GRIK3: variants seen among roughly 807,000 people sequenced by gnomAD.
The protein encoded by GRIK3 is glutamate ionotropic receptor kainate type subunit 3.
GRIK3 carries 29 observed loss-of-function variants against 102.5 expected under a neutral mutation model. The observed-to-expected ratio is 0.28, with a 90% CI of 0.21 to 0.39. The LOEUF is 0.39. Among genes scored for constraint, GRIK3 ranks in the 10% least tolerant of loss-of-function variants. The pLI is 1.00. For missense variants in GRIK3, 908 were observed against 1,252.4 expected (o/e 0.73, Z 4.15); for synonymous variants, 511 against 504.9 (o/e 1.01, Z -0.16).
chr1:36,856,498 T>C lies in GRIK3; in HGVS notation c.1104+2610A>G, dbSNP rs542382554. Among the ~76,000 whole-genome samples the C allele has an allele frequency of 1.0e-3, 155 of 152,152 alleles. 1 individual carries two copies. The highest frequency in any genetic ancestry group is 2.0e-3 in the Non-Finnish European group (134 of 68,022). ...TCTCGGAAATGCCAAGTCTTTAAAA[T>C]GATTTACTGTCATGCAATCAGATGG... On this transcript the variant is annotated intron_variant, in intron 7 of 15. Transcript: ENST00000373091.
chr1:36,905,085 C>A (rs546278762), intron 1 of GRIK3, among the ~76,000 whole-genome samples: 17 of 151,888 alleles, frequency 1.1e-4, no homozygotes, highest in Admixed American at 6.6e-4. Flanking sequence ...ATATAGCCTC[C>A]CCACATAGCA....
At chr1:36,805,936 CAAA>C (rs749853809) in intron 14 of GRIK3, among the ~76,000 whole-genome samples, 165 bp downstream of exon 14, 2 of 31,604 alleles carry the variant, frequency 6.3e-5, no homozygotes, top group African/African-American at 1.3e-4. Context: ...AACTCCACCT[CAAA>C]AAAAAAAAAA....
Position 37,034,263 on chromosome 1 carries a change from C to A in GRIK3, c.-155G>T, listed in dbSNP as rs1167060356. 1.3e-5 allele frequency: 2 copies of A among 153,680 alleles called. No homozygotes were observed. The highest frequency in any genetic ancestry group is 2.8e-5 in the Non-Finnish European group (2 of 70,274). 9.5% of individuals were successfully genotyped at this position (153,680 alleles called of 1,614,324 possible). Reference sequence around the variant, plus strand: ...GCAAGTGGGGGGCGCCCCGCGGCGCCGCGCACATCTTACTGGGGGGCCGCC... The same window carrying A: ...GCAAGTGGGGGGCGCCCCGCGGCGCAGCGCACATCTTACTGGGGGGCCGCC... On this transcript the variant is annotated 5_prime_UTR_variant, in exon 1 of 16. Transcript: ENST00000373091.
chr1:36,989,482 C>A (rs935468744), intron 1 of GRIK3, among the ~76,000 whole-genome samples: 2 of 152,202 alleles, frequency 1.3e-5, no homozygotes, highest in South Asian at 2.1e-4. Context: ...CGGCAGTGTG[C>A]GAAGGAGGTC....
At chr1:36,999,545 G>A (rs1055409191) in intron 1 of GRIK3, among the ~76,000 whole-genome samples, 1 of 152,028 alleles carries the variant, frequency 6.6e-6, no homozygotes, top group African/African-American at 2.4e-5. Context: ...CTGGAAAGGG[G>A]CCTTAAGGTA....
At chr1:36,976,185 A>G (rs1468950272) in intron 1 of GRIK3, among the ~76,000 whole-genome samples, 2 of 152,052 alleles carry the variant, frequency 1.3e-5, no homozygotes, top group African/African-American at 4.8e-5. Context: ...TGGGCCCTTG[A>G]ATGCCAACCT....
At chr1:36,942,855 G>T (rs1162220228) in intron 1 of GRIK3, among the ~76,000 whole-genome samples, 2 of 152,168 alleles carry the variant, frequency 1.3e-5, no homozygotes, top group Non-Finnish European at 2.9e-5. Context: ...CCAGGGAACT[G>T]CTAACCCTGG....
At chr1:36,946,287 T>C (rs1641783896) in intron 1 of GRIK3, among the ~76,000 whole-genome samples, 2 of 152,228 alleles carry the variant, frequency 1.3e-5, no homozygotes, top group African/African-American at 2.4e-5. Context: ...CCTTGGTCTA[T>C]GTGAGCACAG....
At chr1:36,885,702 C>T (rs980347160) in intron 2 of GRIK3, among the ~76,000 whole-genome samples, 1 of 152,174 alleles carries the variant, frequency 6.6e-6, no homozygotes, top group Non-Finnish European at 1.5e-5. Context: ...CTGCTGCCCC[C>T]ACAGGGACCA....
At chr1:36,873,831 T>A (rs1316272423) in intron 3 of GRIK3, among the ~76,000 whole-genome samples, 2 of 152,218 alleles carry the variant, frequency 1.3e-5, no homozygotes, top group Non-Finnish European at 2.9e-5. Flanking sequence ...TTAGAACAAC[T>A]GGCACAAAAA....
chr1:36,917,298 G>T (rs754799485), intron 1 of GRIK3, among the ~76,000 whole-genome samples: 1 of 152,218 alleles, frequency 6.6e-6, no homozygotes, highest in African/African-American at 2.4e-5. Context: ...TGGCTCATAG[G>T]TGGAAGGGAC....
At chr1:36,802,097 G>T in intron 15 of GRIK3, 52 bp from the exon 16 acceptor site, 1 of 1,332,488 alleles carries the variant, frequency 7.5e-7, no homozygotes, top group Non-Finnish European at 1.0e-6. Context: ...AGTGATGCCC[G>T]GTCTTGCAAC....
At chr1:36,955,075 G>A (rs571798567) in intron 1 of GRIK3, among the ~76,000 whole-genome samples, 2 of 152,360 alleles carry the variant, frequency 1.3e-5, no homozygotes, top group African/African-American at 4.8e-5. Context: ...TCAGCCACAT[G>A]GGCCTCCAAC....
At position 36,800,172 on chromosome 1, in the gene GRIK3, T is replaced by C. The variant is rs1642424699; in HGVS notation, c.*1679A>G. 2.0e-5 allele frequency: 3 copies of C among 152,090 alleles called. No homozygotes were observed. Among genetic ancestry groups the C allele is most frequent in the Admixed American group, 2.0e-4 (3 of 15,270 alleles). The allele number at this position is 152,090 out of a possible 1,614,324, so 9.4% of individuals were successfully genotyped here. On this transcript the variant is annotated 3_prime_UTR_variant, in exon 16 of 16. Coordinates refer to ENST00000373091, the MANE Select transcript of GRIK3 (RefSeq NM_000831.4). Reference sequence around the variant, plus strand: ...CACCCAGATGAGAAAGCCCTTGAGATCCAAATGAAGCTCTTCCCTAACCGG... The same window carrying C: ...CACCCAGATGAGAAAGCCCTTGAGACCCAAATGAAGCTCTTCCCTAACCGG...
At chr1:37,004,232 GC>G (rs1366164239) in intron 1 of GRIK3, among the ~76,000 whole-genome samples, 1 of 152,190 alleles carries the variant, frequency 6.6e-6, no homozygotes, top group Admixed American at 6.5e-5. Flanking sequence ...GCTCGGACAA[GC>G]CACAGCACCT....
At chr1:36,911,545 G>A (rs997760228) in intron 1 of GRIK3, among the ~76,000 whole-genome samples, 39 of 152,286 alleles carry the variant, frequency 2.6e-4, no homozygotes, top group African/African-American at 9.4e-4. Flanking sequence ...GATCTGAGCA[G>A]AGGATGTGCA....
At chr1:36,949,318 C>G (rs1474339052) in intron 1 of GRIK3, among the ~76,000 whole-genome samples, 1 of 152,112 alleles carries the variant, frequency 6.6e-6, no homozygotes, top group African/African-American at 2.4e-5. Context: ...CTCCAGTCCC[C>G]CTACTGAAGC....
intron 1 of GRIK3, among the ~76,000 whole-genome samples, chr1:36,933,061 T>C (rs930264234): frequency 1.3e-5 from 2 of 152,232 alleles, no homozygotes; most frequent in Admixed American, 6.5e-5. Context: ...GTCTGTTACA[T>C]TGTCTGTTTC....
At chr1:36,957,388 T>C (rs7537312) in intron 1 of GRIK3, among the ~76,000 whole-genome samples, 165 of 54,552 alleles carry the variant, frequency 3.0e-3, no homozygotes, top group South Asian at 5.3e-3. Context: ...GCCTGTGTGC[T>C]CTGTGAATCT....
Sources: gnomAD v4.1 joint callset for allele counts (sites outside exome capture counted in the v4.1 genomes callset) on GRCh38, gnomAD v4.1.1 for gene constraint, MANE v1.5 for transcripts, NCBI Gene and HGNC (gene_info 2026-07-23, HGNC 2026-07-21) for gene names.